The following LSG1 variants were observed in gnomAD, a reference collection of about 807,000 sequenced individuals.
The protein encoded by LSG1 is large subunit GTPase 1 homolog.
Under a neutral mutation model 82.6 loss-of-function variants are expected in LSG1, and 55 were observed. The observed-to-expected ratio is 0.67, with a 90% confidence interval of 0.54 to 0.83. The LOEUF is 0.83. LSG1 is among the 40% of genes least tolerant of loss of function. The pLI, the probability that LSG1 is intolerant of heterozygous loss-of-function variation, is 0.00. For synonymous variants in LSG1, 272 were observed against 282.5 expected (o/e 0.96, Z 0.37); for missense variants, 809 against 807.9 (o/e 1.00, Z -0.02).
chr3:194,669,066 A>C (rs544920847), intron 2 of LSG1, among the ~76,000 whole-genome samples: 79 of 152,346 alleles, frequency 5.2e-4, no homozygotes, highest in African/African-American at 1.9e-3. Flanking sequence ...GATACTGGTC[A>C]AACGGTAAAG....
At chr3:194,659,403 G>A (rs1718875638) in intron 6 of LSG1, among the ~76,000 whole-genome samples, 1 of 152,164 alleles carries the variant, frequency 6.6e-6, no homozygotes, top group Non-Finnish European at 1.5e-5. Flanking sequence ...AGCACTTTGG[G>A]AGGCGGAGGA....
chr3:194,646,957 C>T (rs1718567007), intron 11 of LSG1, among the ~76,000 whole-genome samples: 1 of 152,150 alleles, frequency 6.6e-6, no homozygotes, highest in Admixed American at 6.5e-5. Flanking sequence ...CAGTAAGATC[C>T]CTTTAATACT....
At position 194,646,379 on chromosome 3, in the gene LSG1, T is replaced by A. The variant is rs532199075; in HGVS notation, c.1544-136A>T. 6 of 619,284 alleles carry A rather than the reference T, an allele frequency of 9.7e-6. No individual in the cohort carries two copies. In the South Asian group the frequency reaches 1.2e-4, roughly 13 times the overall value. The allele number at this position is 619,284 out of a possible 1,614,324, so 38.4% of individuals were successfully genotyped here. ...AAATTAGGTATCATTGTAGAATATA[T>A]ATTGTTTAGCATTAAAAACACTAGA... On this transcript the variant is annotated intron_variant, in intron 11 of 13. Transcript: ENST00000265245.
intron 10 of LSG1, 162 bp downstream of exon 10, chr3:194,650,719 G>T: frequency 1.5e-6 from 1 of 649,882 alleles, no homozygotes; most frequent in Non-Finnish European, 2.5e-6. Flanking sequence ...CAGGAAATGA[G>T]GTTCTATTCT....
chr3:194,666,410 C>T (rs1719030684), intron 3 of LSG1, 42 bp downstream of exon 3: 1 of 1,608,578 alleles, frequency 6.2e-7, no homozygotes, highest in East Asian at 2.2e-5. Context: ...TACTCAGCAG[C>T]CTCGGATGTT....
intron 7 of LSG1, among the ~76,000 whole-genome samples, chr3:194,657,458 G>GTTTTTTTTTT (rs58115258): frequency 1.4e-5 from 2 of 139,158 alleles, no homozygotes; most frequent in Non-Finnish European, 3.1e-5. Flanking sequence ...TGCTTAGTAA[G>GTTTTTTTTTT]TTTTTTTTTT....
intron 2 of LSG1, among the ~76,000 whole-genome samples, chr3:194,667,942 A>AAAAAAATATATATATAT (rs1416407494): frequency 1.1e-5 from 1 of 86,960 alleles, no homozygotes; most frequent in Non-Finnish European, 2.0e-5. Flanking sequence ...AAAAAAAAAA[A>AAAAAAATATATATATAT]ATATATATAT....
intron 7 of LSG1, among the ~76,000 whole-genome samples, chr3:194,657,243 A>G (rs1265385067): frequency 6.6e-6 from 1 of 151,860 alleles, no homozygotes; most frequent in Non-Finnish European, 1.5e-5. Flanking sequence ...AAGATCACAG[A>G]GCTGTATCCT....
intron 10 of LSG1, among the ~76,000 whole-genome samples, chr3:194,650,099 T>C (rs1422531843): frequency 6.6e-6 from 1 of 152,080 alleles, no homozygotes; most frequent in Non-Finnish European, 1.5e-5. Flanking sequence ...TTTGTATTTT[T>C]AGTAGAGACA....
Position 194,666,284 on chromosome 3 carries a change from T to A in LSG1, c.353A>T (p.Asn118Ile). ...TTCTGGGGTAGTATTTTGGTTCCAG[T>A]TTGGTCTGAAACAATCATAGAAGGA... Reference protein sequence around the residue: ...KQFLCIPRRPNWNQNTTPEEL... With the variant: ...KQFLCIPRRPIWNQNTTPEEL... Residue 118 changes from asparagine (N) to isoleucine (I), a missense_variant, in exon 4 of 14, where the codon AAC (asparagine) becomes ATC (isoleucine). Coordinates refer to ENST00000265245, the MANE Select transcript of LSG1 (RefSeq NM_018385.3). The A allele has an allele frequency of 6.2e-7, 1 of 1,614,030 alleles. No homozygotes were observed. Among genetic ancestry groups the A allele is most frequent in the Non-Finnish European group, 8.5e-7 (1 of 1,179,950 alleles).
intron 11 of LSG1, 55 bp downstream of exon 11, chr3:194,648,626 A>G (rs1349454864): frequency 6.4e-7 from 1 of 1,554,008 alleles, no homozygotes; most frequent in East Asian, 2.3e-5. Flanking sequence ...TCTTATTTCT[A>G]TTCATTAGGT....
At chr3:194,664,425 C>T (rs1718991873) in intron 5 of LSG1, among the ~76,000 whole-genome samples, 1 of 152,138 alleles carries the variant, frequency 6.6e-6, no homozygotes, top group African/African-American at 2.4e-5. Context: ...TCATTTATGG[C>T]ATCCTTGAAA....
At chr3:194,665,924 A>G (rs894173830) in intron 4 of LSG1, among the ~76,000 whole-genome samples, 10 of 152,228 alleles carry the variant, frequency 6.6e-5, no homozygotes, top group Non-Finnish European at 1.5e-4. Context: ...AATGTGCAGG[A>G]GAGCAGCGAT....
chr3:194,645,912 C>T (rs1417438025), intron 12 of LSG1, among the ~76,000 whole-genome samples: 1 of 152,100 alleles, frequency 6.6e-6, no homozygotes, highest in Non-Finnish European at 1.5e-5. Context: ...TCATAACAAG[C>T]AAAGGGCTGT....
rs1718672575 is a variant in LSG1, at chr3:194,651,443, T to C, written c.1174-227A>G. On this transcript the variant is annotated intron_variant, in intron 8 of 13. Coordinates refer to ENST00000265245, the MANE Select transcript of LSG1 (RefSeq NM_018385.3). ...TGGCCAAGTTATGCACATTTTAATA[T>C]TATATGTTTTGCTGTTAACAGCAGA... The C allele has an allele frequency of 9.3e-6, 5 of 536,868 alleles. No individual in the cohort carries two copies. In the East Asian group the frequency reaches 1.6e-4, roughly 17 times the overall value. 33.3% of individuals were successfully genotyped at this position (536,868 alleles called of 1,614,324 possible). A position where few individuals can be genotyped will look rare whatever the true frequency, so the allele number is the denominator to read the frequency against.
At position 194,644,672 on chromosome 3, in the gene LSG1, T is replaced by C; in HGVS notation, c.1698A>G (p.Leu566=). 6.2e-7 allele frequency: 1 copy of C among 1,611,660 alleles called. No individual in the cohort carries two copies. The highest frequency in any genetic ancestry group is 8.5e-7 in the Non-Finnish European group (1 of 1,178,630). ...TTTCATCACTGTTCATTTTGTTCTC[T>C]AGGAGTCGCTGGTGTTGATGCTGAA... ...VTFQHQHQRL[L]ENKMNSDEIK... The change falls in exon 13 of 14, where the codon CTA becomes CTG. Residue 566 remains leucine (L), a synonymous_variant. Coordinates refer to ENST00000265245, the MANE Select transcript of LSG1 (RefSeq NM_018385.3).
chr3:194,660,109 A>C lies in LSG1; in HGVS notation c.546T>G (p.Asp182Glu). The C allele has an allele frequency of 6.2e-7, 1 of 1,614,164 alleles. No homozygotes were observed. Residue 182 changes from aspartate to glutamate, a missense_variant, in exon 6 of 14, where the codon GAT becomes GAG. Coordinates refer to ENST00000265245, the MANE Select transcript of LSG1 (RefSeq NM_018385.3). ...ERSDIVVQIV[D>E]ARNPLLFRCE... ...ATCTAAACAGGAGTGGGTTTCGAGC[A>C]TCTACTATCTGGACCACAATATCAC...
At chr3:194,664,442 C>G (rs940471359) in intron 5 of LSG1, among the ~76,000 whole-genome samples, 1 of 152,094 alleles carries the variant, frequency 6.6e-6, no homozygotes, top group African/African-American at 2.4e-5. Context: ...GAAAGTAATT[C>G]AGAAACTCTT....
chr3:194,662,120 T>C (rs1441573842), intron 5 of LSG1, among the ~76,000 whole-genome samples: 2 of 152,174 alleles, frequency 1.3e-5, no homozygotes, highest in African/African-American at 4.8e-5. Context: ...ATTAGAAACA[T>C]CAGCTCTATC....
Sources: gnomAD v4.1 joint callset for allele counts (sites outside exome capture counted in the v4.1 genomes callset) on GRCh38, gnomAD v4.1.1 for gene constraint, MANE v1.5 for transcripts, NCBI Gene and HGNC (gene_info 2026-07-23, HGNC 2026-07-21) for gene names.